Variants in SEC24B observed in about 807,000 individuals in gnomAD.
The protein encoded by SEC24B is SEC24 homolog B, COPII component.
A neutral mutation model predicts 142.8 loss-of-function variants in SEC24B; 45 were observed. The ratio of observed to expected loss-of-function variants is 0.32; its 90% CI spans 0.25 to 0.40. The LOEUF is 0.40. SEC24B is among the 10% of genes least tolerant of loss of function. SEC24B has a pLI of 1.00. For missense variants in SEC24B, 1,409 were observed against 1,526.8 expected (o/e 0.92, Z 1.29); for synonymous variants, 574 against 568.2 (o/e 1.01, Z -0.15).
At chr4:109,505,399 A>G (rs532923957) in intron 6 of SEC24B, among the ~76,000 whole-genome samples, 2 of 152,112 alleles carry the variant, frequency 1.3e-5, no homozygotes, top group East Asian at 1.9e-4. Context: ...TTATAAATGT[A>G]TATTATAGGA....
chr4:109,525,680 A>G (rs1157602781), intron 16 of SEC24B, among the ~76,000 whole-genome samples, 176 bp downstream of exon 16: 1 of 152,138 alleles, frequency 6.6e-6, no homozygotes, highest in African/African-American at 2.4e-5. Context: ...TTTTAAAAAT[A>G]ACTTGAATAA....
In SEC24B at chr4:109,506,347, A is replaced by G; in HGVS notation, c.1508A>G (p.Gln503Arg). The G allele has an allele frequency of 6.4e-7, 1 of 1,571,216 alleles. No homozygotes were observed. Among genetic ancestry groups the G allele is most frequent in the Non-Finnish European group, 8.6e-7 (1 of 1,162,200 alleles). ...TTTCAGCAGTATCCTGGTGTGAACC[A>G]GCTATCCTCCAGTATAGGAGGATTG... is the stretch of plus-strand genomic sequence containing the variant. ...QYPQQYPGVN[Q>R]LSSSIGGLSL... The change falls in exon 7 of 24, where the codon CAG becomes CGG. Residue 503 changes from glutamine (Q) to arginine (R), a missense_variant. By Grantham distance (43) the Gln-to-Arg change is conservative (BLOSUM62 1). This residue lies in a region of SEC24B where 709 missense variants were observed against 673.5 expected (regional missense o/e 1.05). Coordinates refer to ENST00000265175, the MANE Select transcript of SEC24B (RefSeq NM_006323.5).
intron 10 of SEC24B, among the ~76,000 whole-genome samples, chr4:109,515,172 C>T (rs1737794309): frequency 6.6e-6 from 1 of 152,116 alleles, no homozygotes; most frequent in Non-Finnish European, 1.5e-5. Context: ...ACCATCCCGG[C>T]TCACTGCAAG....
chr4:109,444,144 C>T lies in SEC24B; in HGVS notation c.133+10142C>T, dbSNP rs111784822. On this transcript the variant is annotated intron_variant, in intron 1 of 23. Transcript: ENST00000265175. ...GGCTGTGGCTGGAGAATTGTTGGAA[C>T]CCGGGAGGTGGAGGTTGCAGTGAAC... is the stretch of plus-strand genomic sequence containing the variant. 3.6e-3 allele frequency among the ~76,000 whole-genome samples: 546 copies of T among 151,376 alleles called. 6 individuals carry two copies. Among genetic ancestry groups the T allele is most frequent in the African/African-American group, 0.013 (531 of 41,146 alleles).
chr4:109,445,808 G>A (rs902742906), intron 1 of SEC24B, among the ~76,000 whole-genome samples: 1 of 150,982 alleles, frequency 6.6e-6, no homozygotes, highest in African/African-American at 2.4e-5. Flanking sequence ...CTGGACTCAA[G>A]CAATCCCCCT....
intron 6 of SEC24B, among the ~76,000 whole-genome samples, chr4:109,502,573 C>G (rs1736260393): frequency 6.6e-6 from 1 of 152,070 alleles, no homozygotes; most frequent in Non-Finnish European, 1.5e-5. Flanking sequence ...AGGAAGGTGT[C>G]AAGAGTAACT....
At chr4:109,474,714 C>T (rs1732916034) in intron 3 of SEC24B, among the ~76,000 whole-genome samples, 2 of 152,186 alleles carry the variant, frequency 1.3e-5, no homozygotes, top group South Asian at 4.1e-4. Context: ...CGTGAGCCAC[C>T]ACGCCCAGCC....
chr4:109,470,723 GAATA>G (rs1732430665), intron 2 of SEC24B, among the ~76,000 whole-genome samples: 2 of 152,146 alleles, frequency 1.3e-5, no homozygotes, highest in Non-Finnish European at 2.9e-5. Context: ...ATAGCAGAAT[GAATA>G]AATAAATTAT....
chr4:109,438,771 C>G (rs1430637162), intron 1 of SEC24B, among the ~76,000 whole-genome samples: 3 of 152,228 alleles, frequency 2.0e-5, no homozygotes, highest in African/African-American at 7.2e-5. Flanking sequence ...GACTTGATTT[C>G]AAGTCTGTGA....
chr4:109,489,797 TCCC>T (rs1362967920), intron 4 of SEC24B, among the ~76,000 whole-genome samples: 2 of 151,680 alleles, frequency 1.3e-5, no homozygotes, highest in African/African-American at 4.8e-5. Flanking sequence ...CTAAATAATA[TCCC>T]ATTTTATAGA....
chr4:109,524,178 T>C (rs959939840), intron 14 of SEC24B, among the ~76,000 whole-genome samples: 1 of 152,166 alleles, frequency 6.6e-6, no homozygotes, highest in African/African-American at 2.4e-5. Flanking sequence ...TCTATCTGTC[T>C]GCCTAGGACT....
intron 10 of SEC24B, among the ~76,000 whole-genome samples, chr4:109,515,649 G>A (rs894448364): frequency 1.3e-5 from 2 of 152,136 alleles, no homozygotes; most frequent in East Asian, 3.9e-4. Context: ...TTATATAACA[G>A]CAGTTTTCAC....
chr4:109,536,684 C>T (rs910821302), intron 22 of SEC24B, among the ~76,000 whole-genome samples: 1 of 152,076 alleles, frequency 6.6e-6, no homozygotes, highest in African/African-American at 2.4e-5. Context: ...CGCCTGCCAC[C>T]ACGCCCAGCT....
chr4:109,499,123 C>A lies in SEC24B; in HGVS notation c.1488+4267C>A, dbSNP rs1578906406. 2.0e-5 allele frequency among the ~76,000 whole-genome samples: 3 copies of A among 152,164 alleles called. No homozygotes were observed. The South Asian group carries it at 6.2e-4, about 32-fold the overall frequency. ...GGTTGTAAACAGCAATGCTTGGAGT[C>A]TGTCCTTCCAGGTTTCTTTCACTAC... On this transcript the variant is annotated intron_variant, in intron 6 of 23. Transcript: ENST00000265175.
At chr4:109,526,429 G>T (rs376764227) in intron 17 of SEC24B, 30 bp downstream of exon 17, 28 of 1,540,936 alleles carry the variant, frequency 1.8e-5, no homozygotes, top group Non-Finnish European at 2.4e-5. Context: ...AATATAGTCT[G>T]CAGCAGTAAT....
intron 1 of SEC24B, among the ~76,000 whole-genome samples, chr4:109,439,800 T>A (rs112960828): frequency 0.011 from 1,691 of 150,938 alleles, 27 homozygotes; most frequent in African/African-American, 0.039. Flanking sequence ...TGAGCCTGGC[T>A]CTAAGCTGAT....
At chr4:109,488,077 G>GAAT (rs915558008) in intron 4 of SEC24B, among the ~76,000 whole-genome samples, 1 of 151,760 alleles carries the variant, frequency 6.6e-6, no homozygotes, top group African/African-American at 2.4e-5. Context: ...GTTTTTCTTA[G>GAAT]AATGCCCATG....
At chr4:109,501,111 G>C (rs1736089090) in intron 6 of SEC24B, among the ~76,000 whole-genome samples, 3 of 152,120 alleles carry the variant, frequency 2.0e-5, no homozygotes, top group South Asian at 4.1e-4. Flanking sequence ...ATTCATACTA[G>C]GTGTCCTATG....
intron 22 of SEC24B, among the ~76,000 whole-genome samples, chr4:109,538,017 A>G (rs1166171241): frequency 2.0e-5 from 3 of 152,214 alleles, no homozygotes; most frequent in Non-Finnish European, 4.4e-5. Flanking sequence ...GTTTTAAAAT[A>G]TATTTACATA....
Sources: gnomAD v4.1 joint callset for allele counts (sites outside exome capture counted in the v4.1 genomes callset) on GRCh38, gnomAD v4.1.1 for gene constraint, gnomAD v4.1.1 regional missense constraint, MANE v1.5 for transcripts, NCBI Gene and HGNC (gene_info 2026-07-23, HGNC 2026-07-21) for gene names.